KLF13: variants seen among roughly 807,000 people sequenced by gnomAD.
KLF13 encodes Krueppel-like factor 13.
In KLF13, 8 loss-of-function variants were observed where a neutral mutation model predicts 16.7. That is an observed-to-expected ratio of 0.48 (90% CI 0.28 to 0.87). The LOEUF is 0.87. KLF13 is among the 40% of genes least tolerant of loss of function. KLF13 has a pLI of 0.10. For synonymous variants in KLF13, 245 were observed against 208.4 expected, an observed-to-expected ratio of 1.18 and a Z score of -1.51; for missense variants, 447 against 452.2, an observed-to-expected ratio of 0.99 and a Z score of 0.10.
intron 1 of KLF13, among the ~76,000 whole-genome samples, chr15:31,340,387 G>C (rs996070297): frequency 6.6e-6 from 1 of 152,248 alleles, no homozygotes; most frequent in African/African-American, 2.4e-5. Context: ...GGCCTTTCCA[G>C]GTTTCCCTGT....
At chr15:31,348,571 G>A (rs975985259) in intron 1 of KLF13, among the ~76,000 whole-genome samples, 1 of 152,120 alleles carries the variant, frequency 6.6e-6, no homozygotes, top group Non-Finnish European at 1.5e-5. Context: ...CCAAGGGTGT[G>A]ACCCTGCAGT....
chr15:31,353,624 T>C (rs896338152), intron 1 of KLF13, among the ~76,000 whole-genome samples: 1 of 152,276 alleles, frequency 6.6e-6, no homozygotes, highest in Non-Finnish European at 1.5e-5. Flanking sequence ...TGCCTCTTGC[T>C]AATTTTAGCT....
intron 1 of KLF13, among the ~76,000 whole-genome samples, chr15:31,341,815 G>T (rs2140939694): frequency 1.3e-5 from 2 of 152,268 alleles, no homozygotes; most frequent in South Asian, 4.1e-4. Context: ...TGATGCTCCT[G>T]GCATCCCAGC....
At chr15:31,380,436 G>T (rs1412997729), downstream of KLF13, among the ~76,000 whole-genome samples, 1 of 152,172 alleles carries the variant, frequency 6.6e-6, no homozygotes, top group African/African-American at 2.4e-5. Flanking sequence ...TGTTCTGGAA[G>T]GGGGCCCAGT....
chr15:31,329,668 T>C (rs910084297), intron 1 of KLF13, among the ~76,000 whole-genome samples: 4 of 152,210 alleles, frequency 2.6e-5, no homozygotes, highest in African/African-American at 9.6e-5. Context: ...TGGGGCCAGT[T>C]TCCTCGGAGC....
rs1465835153 is a variant in KLF13, at chr15:31,354,813, C to T, written c.578-17197C>T. 2.6e-5 allele frequency among the ~76,000 whole-genome samples: 4 copies of T among 152,202 alleles called. No individual in the cohort carries two copies. In the East Asian group the frequency reaches 5.8e-4, roughly 22 times the overall value. On this transcript the variant is annotated intron_variant, in intron 1 of 1. Transcript: ENST00000307145. The stretch of plus-strand genomic sequence containing the variant: ...TCTGCCCCTCCCCCACCACCGTCCT[C>T]TCCAGTTGTTTTGAAGGAAATCCCA...
intron 1 of KLF13, among the ~76,000 whole-genome samples, chr15:31,328,027 C>T (rs1462263820): frequency 2.7e-5 from 4 of 147,482 alleles, no homozygotes; most frequent in Non-Finnish European, 4.5e-5. Flanking sequence ...CGGGCACGCC[C>T]CCTCCCCGGG....
intron 1 of KLF13, among the ~76,000 whole-genome samples, chr15:31,386,804 A>G (rs2039800900): frequency 6.6e-6 from 1 of 152,222 alleles, no homozygotes; most frequent in African/African-American, 2.4e-5. Context: ...GTGCTAATTT[A>G]CCATTCGGAA....
chr15:31,388,491 A>G (rs113543487), upstream of KLF13, among the ~76,000 whole-genome samples: 341 of 151,746 alleles, frequency 2.2e-3, 2 homozygotes, highest in African/African-American at 7.8e-3. Flanking sequence ...GTGCGTGCCT[A>G]TAATCCCTCT....
At chr15:31,409,553 G>A (rs541444200), downstream of KLF13, among the ~76,000 whole-genome samples, 1 of 151,806 alleles carries the variant, frequency 6.6e-6, no homozygotes, top group Admixed American at 6.6e-5. Flanking sequence ...AAGGAAAGAA[G>A]GAAGAGAGAA....
intron 1 of KLF13, among the ~76,000 whole-genome samples, chr15:31,344,262 G>C (rs1362835364): frequency 6.6e-6 from 1 of 152,240 alleles, no homozygotes; most frequent in Non-Finnish European, 1.5e-5. Context: ...GTCAGGAGGG[G>C]AGTGGGCACC....
rs142298037 is a variant in KLF13, at chr15:31,425,600, G to T, written n.118-9770G>T. Among the ~76,000 whole-genome samples the T allele has an allele frequency of 2.2e-3, 329 of 152,302 alleles. 3 individuals are homozygous for T. Among genetic ancestry groups the T allele is most frequent in the African/African-American group, 7.3e-3 (303 of 41,564 alleles). On this transcript the variant is annotated intron_variant and non_coding_transcript_variant, in intron 1 of 1. Coordinates refer to the KLF13 transcript ENST00000558225. ...ATGAATATAAAGATTTCAGTGGCTG[G>T]GTGCAGTGGCTCACACCTGTAATCC... is the stretch of plus-strand genomic sequence containing the variant.
chr15:31,349,375 G>C (rs369880982), intron 1 of KLF13, among the ~76,000 whole-genome samples: 2 of 152,226 alleles, frequency 1.3e-5, no homozygotes, highest in Non-Finnish European at 2.9e-5. Flanking sequence ...ACCAATGCCC[G>C]CTGGGCCACA....
intron 1 of KLF13, among the ~76,000 whole-genome samples, chr15:31,365,542 T>C (rs1358277161): frequency 6.8e-6 from 1 of 147,878 alleles, no homozygotes; most frequent in Non-Finnish European, 1.5e-5. Flanking sequence ...CTCAACAGGC[T>C]TCCCACAGGA....
exon 3 of KLF13, chr15:31,404,680 T>G (rs1046451177): frequency 1.3e-5 from 2 of 152,266 alleles, no homozygotes; most frequent in East Asian, 1.9e-4. Context: ...CCCATCCCTG[T>G]TGTGGTGTAT....
At chr15:31,361,008 T>C (rs1316209002) in intron 1 of KLF13, among the ~76,000 whole-genome samples, 1 of 152,006 alleles carries the variant, frequency 6.6e-6, no homozygotes, top group Non-Finnish European at 1.5e-5. Context: ...CGCTGGGCCC[T>C]TCCAGGGAAC....
chr15:31,352,893 G>T (rs953931950), intron 1 of KLF13, among the ~76,000 whole-genome samples: 3 of 152,214 alleles, frequency 2.0e-5, no homozygotes, highest in Admixed American at 6.5e-5. Context: ...TGGCTACTTG[G>T]AGTTTTTGTG....
intron 1 of KLF13, among the ~76,000 whole-genome samples, chr15:31,383,068 A>C (rs571920411): frequency 1.3e-5 from 2 of 152,384 alleles, no homozygotes; most frequent in African/African-American, 4.8e-5. Flanking sequence ...GATGGCCTGC[A>C]TAATCAGCAG....
At chr15:31,397,127 A>G (rs1194601313) in intron 2 of KLF13, among the ~76,000 whole-genome samples, 2 of 151,592 alleles carry the variant, frequency 1.3e-5, no homozygotes, top group Non-Finnish European at 2.9e-5. Flanking sequence ...CCACAGGAAC[A>G]TTTGCCAGGG....
Sources: gnomAD v4.1 joint callset for allele counts (sites outside exome capture counted in the v4.1 genomes callset) on GRCh38, gnomAD v4.1.1 for gene constraint, MANE v1.5 for transcripts, NCBI Gene and HGNC (gene_info 2026-07-23, HGNC 2026-07-21) for gene names.